The following MACROD2 variants were observed in gnomAD, a reference collection of about 807,000 sequenced individuals.
MACROD2 encodes the protein ADP-ribose glycohydrolase MACROD2.
Under a neutral mutation model 70.4 loss-of-function variants are expected in MACROD2, and 36 were observed. That is an observed-to-expected ratio of 0.51 (90% CI 0.39 to 0.68). The LOEUF (loss-of-function observed/expected upper bound fraction) is 0.68, where lower values mean the gene tolerates loss of function less well. Among genes scored for constraint, MACROD2 ranks in the 30% least tolerant of loss-of-function variants. The probability of loss-of-function intolerance (pLI) is 0.00; values close to 1 mark genes in which losing one functional copy is unlikely to be tolerated. For synonymous variants in MACROD2, 172 were observed against 178.8 expected, an observed-to-expected ratio of 0.96 and a Z score of 0.30; for missense variants, 496 against 538.4, an observed-to-expected ratio of 0.92 and a Z score of 0.78.
chr20:15,895,951 T>G (rs1378436683), intron 10 of MACROD2, among the ~76,000 whole-genome samples: 1 of 152,234 alleles, frequency 6.6e-6, no homozygotes, highest in African/African-American at 2.4e-5. Flanking sequence ...AGTTTCTATT[T>G]TGACAAAATA....
chr20:16,000,637 G>C (rs1311340569), intron 15 of MACROD2, among the ~76,000 whole-genome samples: 1 of 152,152 alleles, frequency 6.6e-6, no homozygotes, highest in Non-Finnish European at 1.5e-5. Flanking sequence ...AGTTCATAAA[G>C]TAAAGAAGGT....
At chr20:15,573,868 A>G (rs1401456923) in intron 8 of MACROD2, among the ~76,000 whole-genome samples, 1 of 152,036 alleles carries the variant, frequency 6.6e-6, no homozygotes, top group East Asian at 1.9e-4. Flanking sequence ...ATCTGTGACA[A>G]TTTCACTCTC....
intron 8 of MACROD2, among the ~76,000 whole-genome samples, chr20:15,785,260 G>C (rs1045190363): frequency 8.6e-5 from 13 of 151,998 alleles, no homozygotes; most frequent in Middle Eastern, 3.4e-3. Flanking sequence ...TAGAACACAA[G>C]TTCCAAGCAA....
intron 5 of MACROD2, among the ~76,000 whole-genome samples, chr20:14,919,363 T>C (rs2074132894): frequency 6.6e-6 from 1 of 152,224 alleles, no homozygotes. Context: ...AGACATGTTT[T>C]CCCTTTATTT....
chr20:15,103,785 G>A (rs1175958756), intron 5 of MACROD2, among the ~76,000 whole-genome samples: 1 of 152,078 alleles, frequency 6.6e-6, no homozygotes, highest in Non-Finnish European at 1.5e-5. Flanking sequence ...CTGATCAGAC[G>A]ACATTTGAGC....
intron 4 of MACROD2, among the ~76,000 whole-genome samples, 187 bp from the exon 5 acceptor site, chr20:14,684,656 C>CT (rs1491558355): frequency 8.8e-6 from 1 of 113,292 alleles, no homozygotes; most frequent in East Asian, 2.7e-4. Flanking sequence ...TCACCCCCCC[C>CT]CCCCGGCCCC....
chr20:14,910,253 C>T lies in MACROD2; in HGVS notation c.418+225294C>T, dbSNP rs1340003384. Among the ~76,000 whole-genome samples the T allele has an allele frequency of 2.6e-5, 4 of 152,232 alleles. No individual in the cohort carries two copies. The East Asian group carries it at 5.8e-4, about 22-fold the overall frequency. ...TTAAAAGAATGTTGGCTATGCACTT[C>T]GCGCTTACACATTAATATAGAGCCC... On this transcript the variant is annotated intron_variant, in intron 5 of 17. Coordinates refer to ENST00000684519, the MANE Select transcript of MACROD2 (RefSeq NM_001351661.2).
intron 7 of MACROD2, among the ~76,000 whole-genome samples, chr20:15,458,826 A>T (rs2046769275): frequency 6.6e-6 from 1 of 152,032 alleles, no homozygotes; most frequent in Non-Finnish European, 1.5e-5. Flanking sequence ...GGAGGACAGC[A>T]TTGGGCAAAT....
At chr20:15,553,645 C>G (rs1233719) in intron 8 of MACROD2, among the ~76,000 whole-genome samples, 3,003 of 152,210 alleles carry the variant, frequency 0.02, 106 homozygotes, top group African/African-American at 0.067. Flanking sequence ...GTCCTGAACT[C>G]CTAAGATCAA....
chr20:14,815,128 A>C (rs1037212049), intron 5 of MACROD2, among the ~76,000 whole-genome samples: 1 of 152,020 alleles, frequency 6.6e-6, no homozygotes, highest in African/African-American at 2.4e-5. Flanking sequence ...TCCCCTAAAA[A>C]TTGAGTAACA....
chr20:14,455,707 AT>A, intron 3 of MACROD2, among the ~76,000 whole-genome samples: 1 of 151,810 alleles, frequency 6.6e-6, no homozygotes, highest in Middle Eastern at 3.4e-3. Flanking sequence ...CAACATCATT[AT>A]TTTTTGCCCT....
chr20:15,030,864 C>A (rs1028956499), intron 5 of MACROD2, among the ~76,000 whole-genome samples: 2 of 152,170 alleles, frequency 1.3e-5, no homozygotes, highest in African/African-American at 4.8e-5. Flanking sequence ...CACAGGATCT[C>A]TAGGGTGTTG....
chr20:15,167,300 C>G (rs2076392536), intron 5 of MACROD2, among the ~76,000 whole-genome samples: 1 of 152,146 alleles, frequency 6.6e-6, no homozygotes, highest in African/African-American at 2.4e-5. Context: ...TAATAGTGCT[C>G]TTTTAATCAT....
intron 3 of MACROD2, among the ~76,000 whole-genome samples, chr20:14,194,057 G>C (rs569393108): frequency 6.6e-6 from 1 of 152,224 alleles, no homozygotes; most frequent in East Asian, 1.9e-4. Flanking sequence ...TGAGCTCCAG[G>C]TCAGTCTACT....
intron 2 of MACROD2, among the ~76,000 whole-genome samples, chr20:14,067,732 A>C (rs2053784027): frequency 6.6e-6 from 1 of 152,286 alleles, no homozygotes; most frequent in South Asian, 2.1e-4. Flanking sequence ...AGTCTCATTA[A>C]AATAAAAAAT....
intron 6 of MACROD2, among the ~76,000 whole-genome samples, chr20:15,363,775 G>T (rs1052879507): frequency 6.6e-6 from 1 of 152,120 alleles, no homozygotes; most frequent in African/African-American, 2.4e-5. Flanking sequence ...TATAGAAATG[G>T]AAGGCAAGAT....
rs555704375 is a variant in MACROD2 at position 14,020,194 on chromosome 20, C to T, written c.163+17790C>T. Among the ~76,000 whole-genome samples the T allele has an allele frequency of 1.3e-4, 20 of 152,154 alleles. No homozygotes were observed. In the South Asian group the frequency reaches 2.3e-3, roughly 17 times the overall value. ...TGATTACAGAAAGCCCATTGTCAGC[C>T]GGGCGCGGTGGCTCATGCCTGTAAT... On this transcript the variant is annotated intron_variant, in intron 2 of 17. Transcript: ENST00000684519.
chr20:14,735,846 C>A (rs924924995), intron 5 of MACROD2, among the ~76,000 whole-genome samples: 2 of 151,894 alleles, frequency 1.3e-5, no homozygotes, highest in African/African-American at 4.8e-5. Flanking sequence ...CAGACTCGGA[C>A]TCAAAATAAA....
intron 3 of MACROD2, among the ~76,000 whole-genome samples, chr20:14,194,449 A>G (rs1342803228): frequency 1.3e-5 from 2 of 152,168 alleles, no homozygotes; most frequent in African/African-American, 4.8e-5. Context: ...AAGCCATGCT[A>G]TAGGGATAGG....
Sources: allele counts gnomAD v4.1 joint callset (sites outside exome capture counted in the v4.1 genomes callset), GRCh38; gene constraint gnomAD v4.1.1; transcripts MANE v1.5; gene names NCBI Gene and HGNC (gene_info 2026-07-23, HGNC 2026-07-21).